Variants in LONP2 observed in about 807,000 individuals in gnomAD.
The protein encoded by LONP2 is lon peptidase 2, peroxisomal, also known as lon protease homolog 2, peroxisomal.
LONP2 carries 60 observed loss-of-function variants against 85.6 expected under a neutral mutation model. That is an observed-to-expected ratio of 0.70 (90% CI 0.57 to 0.87). The LOEUF (loss-of-function observed/expected upper bound fraction) is 0.87. Ranked by LOEUF, LONP2 falls within the 40% of genes least tolerant of loss-of-function variation. The pLI is 0.00. For synonymous variants in LONP2, 395 were observed against 389.7 expected, an observed-to-expected ratio of 1.01 and a Z score of -0.16; for missense variants, 860 against 1,063.5, an observed-to-expected ratio of 0.81 and a Z score of 2.66.
At chr16:48,246,593 C>T (rs1455315102) in intron 1 of LONP2, among the ~76,000 whole-genome samples, 1 of 152,104 alleles carries the variant, frequency 6.6e-6, no homozygotes, top group Non-Finnish European at 1.5e-5. Flanking sequence ...TTTTTTGAGA[C>T]AGAGTCTCAT....
At chr16:48,325,958 G>A (rs779294989) in intron 11 of LONP2, among the ~76,000 whole-genome samples, 1 of 152,212 alleles carries the variant, frequency 6.6e-6, no homozygotes, top group Non-Finnish European at 1.5e-5. Context: ...GACAAAAAGT[G>A]TCTTTGAGAG....
At chr16:48,333,260 G>A (rs906642609) in intron 11 of LONP2, among the ~76,000 whole-genome samples, 6 of 152,162 alleles carry the variant, frequency 3.9e-5, no homozygotes, top group East Asian at 3.9e-4. Context: ...CTCCTTGTAT[G>A]TCTAGGTCCA....
At chr16:48,296,572 C>T (rs555143597) in intron 9 of LONP2, among the ~76,000 whole-genome samples, 1 of 151,920 alleles carries the variant, frequency 6.6e-6, no homozygotes, top group South Asian at 2.1e-4. Context: ...AATAAAAATA[C>T]AAAAATTAGC....
chr16:48,359,918 A>G (rs142881051), downstream of LONP2, among the ~76,000 whole-genome samples: 7 of 152,330 alleles, frequency 4.6e-5, 1 homozygote, highest in African/African-American at 1.7e-4. Context: ...AAACCACACA[A>G]AATTCTCTTT....
intron 6 of LONP2, among the ~76,000 whole-genome samples, chr16:48,268,962 T>A (rs975815577): frequency 6.6e-6 from 1 of 152,186 alleles, no homozygotes; most frequent in Non-Finnish European, 1.5e-5. Flanking sequence ...CTCTCCCATC[T>A]TCTTCTTTCA....
Position 48,356,738 on chromosome 16 carries a change from G to C in LONP2, c.*4936G>C, listed in dbSNP as rs774133363. On this transcript the variant is annotated 3_prime_UTR_variant, in exon 15 of 15. Coordinates refer to ENST00000285737, the MANE Select transcript of LONP2 (RefSeq NM_031490.5). The stretch of plus-strand genomic sequence containing the variant: ...GAGTGGTCATTGAGATGTTTTAAAA[G>C]TTACAGCAAAAGGACTTCTAAAACA... The C allele has an allele frequency of 2.8e-5, 9 of 321,504 alleles. No homozygotes were observed. The highest frequency in any genetic ancestry group is 2.0e-4 in the South Asian group (8 of 40,324). The allele number at this position is 321,504 out of a possible 1,614,324, so 19.9% of individuals were successfully genotyped here. A position where few individuals can be genotyped will look rare whatever the true frequency, so the allele number is the denominator to read the frequency against.
chr16:48,251,027 G>A (rs1036575091), intron 1 of LONP2, among the ~76,000 whole-genome samples: 25 of 152,306 alleles, frequency 1.6e-4, no homozygotes, highest in African/African-American at 5.8e-4. Context: ...ACGTAGTTCA[G>A]AATAAACTGA....
chr16:48,338,689 C>CT (rs1959726514), intron 12 of LONP2, among the ~76,000 whole-genome samples: 1 of 152,128 alleles, frequency 6.6e-6, no homozygotes, highest in Non-Finnish European at 1.5e-5. Flanking sequence ...AGGTGGATTG[C>CT]TTGAGTCTGG....
rs968050946 is a variant in LONP2, at chr16:48,362,439, A to C, written c.*576A>C. Reference sequence around the variant, plus strand: ...AGTCTGACGGCTCATTTCTGAAATAAATACATAAGGAGGCAGGAGAAAAAT... The same window carrying C: ...AGTCTGACGGCTCATTTCTGAAATACATACATAAGGAGGCAGGAGAAAAAT... On this transcript the variant is annotated 3_prime_UTR_variant, in exon 5 of 5. Transcript: ENST00000565867. The surrounding 1 kb of genome is among the most constrained non-coding windows in gnomAD (Gnocchi z 4.2). 3.1e-6 allele frequency: 5 copies of C among 1,613,784 alleles called. No homozygotes were observed. The highest frequency in any genetic ancestry group is 3.3e-5 in the Admixed American group (2 of 60,012).
chr16:48,304,119 G>A (rs926185858), intron 11 of LONP2, among the ~76,000 whole-genome samples: 3 of 152,160 alleles, frequency 2.0e-5, no homozygotes, highest in Admixed American at 6.5e-5. Flanking sequence ...GATGGTGTAC[G>A]TTATGTATGG....
intron 11 of LONP2, among the ~76,000 whole-genome samples, chr16:48,326,798 C>T (rs1294563890): frequency 6.6e-6 from 1 of 152,208 alleles, no homozygotes; most frequent in Non-Finnish European, 1.5e-5. Context: ...TCCTTACTTC[C>T]CCTTTCAATA....
intron 1 of LONP2, among the ~76,000 whole-genome samples, chr16:48,250,855 A>G (rs529356098): frequency 3.9e-5 from 6 of 152,362 alleles, no homozygotes; most frequent in Admixed American, 3.3e-4. Context: ...AGCAGCCACA[A>G]CACAAATAAG....
chr16:48,362,602 T>A lies in LONP2; in HGVS notation c.*739T>A. The A allele has an allele frequency of 1.5e-6, 1 of 658,160 alleles. No individual in the cohort carries two copies. Among genetic ancestry groups the A allele is most frequent in the South Asian group, 2.0e-5 (1 of 49,636 alleles). 40.8% of individuals were successfully genotyped at this position (658,160 alleles called of 1,614,324 possible). On this transcript the variant is annotated 3_prime_UTR_variant, in exon 5 of 5. Coordinates refer to the LONP2 transcript ENST00000565867. This position sits in a 1 kb window ranked among gnomAD's most constrained non-coding sequence, Gnocchi z 4.2. The stretch of plus-strand genomic sequence containing the variant: ...ATTAAAAAAATAAAATTACACTGAA[T>A]GTGCACTTTATTAGGATCTGTACAC...
At chr16:48,341,378 G>A (rs905444273) in intron 12 of LONP2, among the ~76,000 whole-genome samples, 2 of 152,194 alleles carry the variant, frequency 1.3e-5, no homozygotes, top group Non-Finnish European at 2.9e-5. Flanking sequence ...TACAGCCTTG[G>A]CAGAAAGTGA....
intron 11 of LONP2, among the ~76,000 whole-genome samples, chr16:48,325,332 C>A: frequency 6.6e-6 from 1 of 152,146 alleles, no homozygotes; most frequent in East Asian, 1.9e-4. Flanking sequence ...GGTTTGGGGA[C>A]CCCTGCAGTA....
At chr16:48,269,991 T>G (rs1433205254) in intron 6 of LONP2, 25 bp from the exon 7 acceptor site, 3 of 1,594,066 alleles carry the variant, frequency 1.9e-6, no homozygotes, top group Admixed American at 1.8e-5. Flanking sequence ...TGTGTTCTAA[T>G]TATTTCTGTT....
At position 48,355,717 on chromosome 16, in the gene LONP2, T is replaced by C. The variant is rs1337662222; in HGVS notation, c.*3915T>C. 3 of 152,192 alleles carry C rather than the reference T, an allele frequency of 2.0e-5. No homozygotes were observed. The highest frequency in any genetic ancestry group is 4.4e-5 in the Non-Finnish European group (3 of 68,040). 9.4% of individuals were successfully genotyped at this position (152,192 alleles called of 1,614,324 possible). On this transcript the variant is annotated 3_prime_UTR_variant, in exon 15 of 15. Coordinates refer to ENST00000285737, the MANE Select transcript of LONP2 (RefSeq NM_031490.5). ...TAGCCCTCCAAATGGGTGTGACGTA[T>C]TTTGATTCTATGTCCCTAATGACTA... is the stretch of plus-strand genomic sequence containing the variant.
intron 9 of LONP2, 63 bp downstream of exon 9, chr16:48,296,228 T>TA (rs1972667727): frequency 1.3e-6 from 2 of 1,545,144 alleles, no homozygotes; most frequent in Non-Finnish European, 8.8e-7. Flanking sequence ...TAAAATTAGT[T>TA]ATGCTATGGA....
At chr16:48,291,192 T>C (rs781440913) in intron 8 of LONP2, among the ~76,000 whole-genome samples, 17 of 149,662 alleles carry the variant, frequency 1.1e-4, no homozygotes, top group African/African-American at 3.8e-4. Context: ...TTCTGTGGAC[T>C]CATCACCCAG....
Sources: allele counts gnomAD v4.1 joint callset (sites outside exome capture counted in the v4.1 genomes callset), GRCh38; gene constraint gnomAD v4.1.1; non-coding constraint Gnocchi (gnomAD v3.1); transcripts MANE v1.5; gene names NCBI Gene and HGNC (gene_info 2026-07-23, HGNC 2026-07-21).